UGT1A8: variants seen among roughly 807,000 people sequenced by gnomAD.
UGT1A8 encodes the protein UDP glucuronosyltransferase family 1 member A8, also known as UDP-glucuronosyltransferase 1A8.
UGT1A8 carries 39 observed loss-of-function variants against 45.3 expected under a neutral mutation model. The observed-to-expected ratio is 0.86, with a 90% CI of 0.67 to 1.12. The LOEUF is 1.12. Among genes scored for constraint, UGT1A8 ranks in the 50% most tolerant of loss-of-function variants. The probability of loss-of-function intolerance (pLI) is 0.00; values close to 1 mark genes in which losing one functional copy is unlikely to be tolerated. For missense variants in UGT1A8, 719 were observed against 664.9 expected (o/e 1.08, Z -0.90); for synonymous variants, 275 against 249.2 (o/e 1.10, Z -0.97).
intron 1 of UGT1A8, among the ~76,000 whole-genome samples, chr2:233,643,469 G>C (rs1473992817): frequency 2.6e-5 from 4 of 151,990 alleles, no homozygotes; most frequent in Non-Finnish European, 5.9e-5. Context: ...TCTATCCCAG[G>C]GGAGCTCCAG....
At chr2:233,648,455 AT>A (rs139777693) in intron 1 of UGT1A8, 1 of 156,648 alleles carries the variant, frequency 6.4e-6, no homozygotes, top group Non-Finnish European at 1.4e-5. Context: ...TATTATTATT[AT>A]TTTTATTTAT....
At chr2:233,694,827 CAT>C (rs1183581356) in intron 1 of UGT1A8, among the ~76,000 whole-genome samples, 2 of 152,188 alleles carry the variant, frequency 1.3e-5, no homozygotes, top group African/African-American at 4.8e-5. Flanking sequence ...GAAATAAAAA[CAT>C]AGAATGTCAG....
At chr2:233,651,550 G>T (rs2073741944) in intron 1 of UGT1A8, among the ~76,000 whole-genome samples, 1 of 152,174 alleles carries the variant, frequency 6.6e-6, no homozygotes, top group Admixed American at 6.5e-5. Context: ...TCTCAAAGAG[G>T]AATTCAGATA....
At chr2:233,697,436 T>A (rs981508873) in intron 1 of UGT1A8, among the ~76,000 whole-genome samples, 1 of 152,032 alleles carries the variant, frequency 6.6e-6, no homozygotes, top group African/African-American at 2.4e-5. Flanking sequence ...CCTTTTTCAT[T>A]TCTGATTTTA....
chr2:233,760,884 T>A, intron 1 of UGT1A8: 1 of 1,614,196 alleles, frequency 6.2e-7, no homozygotes, highest in African/African-American at 1.3e-5. Context: ...CTCTCTCCTC[T>A]CATTCAGATC....
At chr2:233,743,087 A>G (rs1244920727) in intron 1 of UGT1A8, 3 of 346,168 alleles carry the variant, frequency 8.7e-6, no homozygotes, top group Non-Finnish European at 1.7e-5. Flanking sequence ...AAGTGTTTAT[A>G]AATTCTTGGG....
chr2:233,627,624 T>TTC (rs2073108145), intron 1 of UGT1A8, among the ~76,000 whole-genome samples: 15 of 112,020 alleles, frequency 1.3e-4, no homozygotes, highest in East Asian at 5.4e-4. Flanking sequence ...TTCCTTCCTT[T>TTC]CTTCCTTCCT....
chr2:233,759,291 G>C (rs2003569), intron 1 of UGT1A8, among the ~76,000 whole-genome samples: 1 of 152,064 alleles, frequency 6.6e-6, no homozygotes. Flanking sequence ...TGATGAAGCT[G>C]AGCCCTGAGT....
intron 1 of UGT1A8, among the ~76,000 whole-genome samples, chr2:233,622,104 C>T (rs2073019089): frequency 6.6e-6 from 1 of 152,172 alleles, no homozygotes; most frequent in Non-Finnish European, 1.5e-5. Context: ...TGTATATGTG[C>T]CACATTTTCT....
At chr2:233,653,368 G>A (rs1218575877) in intron 1 of UGT1A8, among the ~76,000 whole-genome samples, 1 of 152,150 alleles carries the variant, frequency 6.6e-6, no homozygotes, top group East Asian at 1.9e-4. Context: ...TCATATAGGT[G>A]TATCAATTGT....
chr2:233,662,063 A>G (rs773767880), intron 1 of UGT1A8, among the ~76,000 whole-genome samples: 9 of 152,160 alleles, frequency 5.9e-5, no homozygotes, highest in Non-Finnish European at 1.2e-4. Flanking sequence ...TGAAATTATC[A>G]CAATAGTACA....
chr2:233,700,655 T>G (rs1207432323), intron 1 of UGT1A8, among the ~76,000 whole-genome samples: 1 of 152,198 alleles, frequency 6.6e-6, no homozygotes, highest in African/African-American at 2.4e-5. Flanking sequence ...TTTACATATT[T>G]CTACTTTTCA....
intron 1 of UGT1A8, among the ~76,000 whole-genome samples, chr2:233,749,315 G>T (rs2125898237): frequency 6.6e-6 from 1 of 151,862 alleles, no homozygotes; most frequent in Middle Eastern, 3.4e-3. Flanking sequence ...GTGTTTATTA[G>T]ATTTGTAACA....
intron 1 of UGT1A8, among the ~76,000 whole-genome samples, chr2:233,620,182 T>C (rs978806652): frequency 1.3e-5 from 2 of 152,214 alleles, no homozygotes; most frequent in Admixed American, 6.5e-5. Flanking sequence ...AGTGAAATAA[T>C]GCTCTTTCTA....
rs149047303 is a variant in UGT1A8, at chr2:233,763,705, A to G, written c.856-3329A>G. Among the ~76,000 whole-genome samples, 745 of 152,324 alleles carry G rather than the reference A, an allele frequency of 4.9e-3. 10 individuals carry two copies. Among genetic ancestry groups the G allele is most frequent in the African/African-American group, 0.017 (698 of 41,584 alleles). ...AAGATAAAACTTTTATTGCACAAAG[A>G]AGTCCATAGAGAAAGCACAACCTGG... On this transcript the variant is annotated intron_variant, in intron 1 of 4. Coordinates refer to ENST00000373450, the MANE Select transcript of UGT1A8 (RefSeq NM_019076.5).
intron 1 of UGT1A8, among the ~76,000 whole-genome samples, chr2:233,687,124 G>A (rs1156428889): frequency 1.3e-5 from 2 of 152,148 alleles, no homozygotes; most frequent in African/African-American, 4.8e-5. Context: ...AAAACTCAGC[G>A]TTATCTAGAT....
chr2:233,768,409 A>G lies in UGT1A8; in HGVS notation c.1265A>G (p.Asn422Ser). ...GAAATGACTTCTGAAGATTTAGAAA[A>G]TGCTCTAAAAGCAGTCATCAATGAC... ...VLEMTSEDLE[N>S]ALKAVINDKS... is the part of the protein sequence containing the mutation. The change falls in exon 4 of 5, where the codon AAT becomes AGT. Residue 422 changes from asparagine to serine, a missense_variant. Asn to Ser is a conservative substitution (Grantham distance 46, BLOSUM62 1). Coordinates refer to ENST00000373450, the MANE Select transcript of UGT1A8 (RefSeq NM_019076.5). 1 of 1,614,180 alleles carries G rather than the reference A, an allele frequency of 6.2e-7. No homozygotes were observed. Among genetic ancestry groups the G allele is most frequent in the South Asian group, 1.1e-5 (1 of 91,082 alleles).
chr2:233,745,507 G>A (rs1198591343), intron 1 of UGT1A8, among the ~76,000 whole-genome samples: 1 of 151,594 alleles, frequency 6.6e-6, no homozygotes, highest in African/African-American at 2.4e-5. Flanking sequence ...TTCCTATAGG[G>A]TATTAGGTCT....
rs1355157506 is a variant in UGT1A8, at chr2:233,637,064, C to T, written c.855+18502C>T. The T allele has an allele frequency of 3.1e-6, 5 of 1,613,920 alleles. No individual in the cohort carries two copies. The Admixed American group carries it at 6.7e-5, about 22-fold the overall frequency. On this transcript the variant is annotated intron_variant, in intron 1 of 4. Coordinates refer to ENST00000373450, the MANE Select transcript of UGT1A8 (RefSeq NM_019076.5). ...TTTTGCCACCATCTTGAAGAAGGTG[C>T]ACAGTGCCCTGCTCCTCTTTCCTAT...
Sources: gnomAD v4.1 joint callset for allele counts (sites outside exome capture counted in the v4.1 genomes callset) on GRCh38, gnomAD v4.1.1 for gene constraint, MANE v1.5 for transcripts, NCBI Gene and HGNC (gene_info 2026-07-23, HGNC 2026-07-21) for gene names.